EPB41: variants seen among roughly 807,000 people sequenced by gnomAD.
The protein encoded by EPB41 is protein 4.1.
A neutral mutation model predicts 108.0 loss-of-function variants in EPB41; 65 were observed. The ratio of observed to expected loss-of-function variants is 0.60; its 90% CI spans 0.49 to 0.74. The LOEUF (loss-of-function observed/expected upper bound fraction) is 0.74. Among genes scored for constraint, EPB41 ranks in the 30% least tolerant of loss-of-function variants. The probability of loss-of-function intolerance (pLI) is 0.00; values close to 1 mark genes in which losing one functional copy is unlikely to be tolerated. For synonymous variants in EPB41, 336 were observed against 358.9 expected, an observed-to-expected ratio of 0.94 and a Z score of 0.72; for missense variants, 875 against 1,037.0, an observed-to-expected ratio of 0.84 and a Z score of 2.15.
At chr1:29,014,927 C>T (rs2096558653) in intron 5 of EPB41, among the ~76,000 whole-genome samples, 1 of 152,148 alleles carries the variant, frequency 6.6e-6, no homozygotes, top group Non-Finnish European at 1.5e-5. Flanking sequence ...GGGAGTATCG[C>T]ATGAGCCCAG....
intron 4 of EPB41, among the ~76,000 whole-genome samples, chr1:29,003,812 G>C (rs2096349990): frequency 6.6e-6 from 1 of 152,132 alleles, no homozygotes; most frequent in South Asian, 2.1e-4. Context: ...TTTCAGGCTG[G>C]AGTGCAGTGG....
At position 29,064,895 on chromosome 1, in the gene EPB41, C is replaced by T. The variant is rs890308008; in HGVS notation, c.2008-87C>T. 8 of 1,544,098 alleles carry T rather than the reference C, an allele frequency of 5.2e-6. No homozygotes were observed. The African/African-American group carries it at 1.1e-4, about 21-fold the overall frequency. On this transcript the variant is annotated intron_variant, in intron 15 of 20. Transcript: ENST00000343067. The stretch of plus-strand genomic sequence containing the variant: ...GTCCTGGATGTGGTATGTTTTCTAC[C>T]AGTGCCCAGTCTCTGACGGGTTGCC...
intron 1 of EPB41, among the ~76,000 whole-genome samples, chr1:28,929,230 A>G (rs571938591): frequency 7.1e-6 from 1 of 141,400 alleles, no homozygotes; most frequent in Non-Finnish European, 1.6e-5. Flanking sequence ...AATTTTTACT[A>G]TTTTTTTTTT....
intron 2 of EPB41, among the ~76,000 whole-genome samples, chr1:28,992,521 T>C (rs2096051259): frequency 6.6e-6 from 1 of 152,116 alleles, no homozygotes; most frequent in Non-Finnish European, 1.5e-5. Flanking sequence ...ACCCCATCTC[T>C]ACTAAAAGTA....
intron 1 of EPB41, among the ~76,000 whole-genome samples, chr1:28,922,536 A>C (rs575013253): frequency 2.6e-5 from 4 of 151,748 alleles, no homozygotes; most frequent in Non-Finnish European, 5.9e-5. Flanking sequence ...GGGCACAAGC[A>C]GTCCTCCCAC....
At chr1:29,010,360 T>A (rs374578297) in intron 4 of EPB41, among the ~76,000 whole-genome samples, 9 of 152,102 alleles carry the variant, frequency 5.9e-5, no homozygotes, top group African/African-American at 2.2e-4. Flanking sequence ...AAAATGCCAC[T>A]GAAATTCAAT....
intron 1 of EPB41, among the ~76,000 whole-genome samples, chr1:28,971,211 T>C (rs1309704734): frequency 1.3e-4 from 16 of 118,738 alleles, no homozygotes; most frequent in Non-Finnish European, 2.6e-4. Context: ...TTTGGGACAG[T>C]GTCCCTCTGT....
intron 16 of EPB41, among the ~76,000 whole-genome samples, chr1:29,066,946 A>T (rs1242607828): frequency 1.3e-5 from 2 of 151,224 alleles, no homozygotes; most frequent in African/African-American, 4.9e-5. Flanking sequence ...AAGTGCTGAG[A>T]TTACAGGCAT....
At chr1:28,955,564 T>C (rs1021501017) in intron 1 of EPB41, among the ~76,000 whole-genome samples, 13 of 152,102 alleles carry the variant, frequency 8.5e-5, no homozygotes, top group African/African-American at 3.1e-4. Flanking sequence ...AGGATGGTCT[T>C]GATCTCTTGA....
At chr1:28,915,705 TC>T in intron 1 of EPB41, among the ~76,000 whole-genome samples, 1 of 151,286 alleles carries the variant, frequency 6.6e-6, no homozygotes, top group Admixed American at 6.6e-5. Flanking sequence ...GATAGTTTTT[TC>T]TTTTTCCTTT....
chr1:28,893,150 C>T (rs911857358), intron 1 of EPB41, among the ~76,000 whole-genome samples: 1 of 151,948 alleles, frequency 6.6e-6, no homozygotes, highest in African/African-American at 2.4e-5. Context: ...GGGGTGATCA[C>T]GGCTCACTTC....
intron 1 of EPB41, among the ~76,000 whole-genome samples, chr1:28,930,150 C>CTTT (rs772932485): frequency 6.5e-5 from 8 of 122,642 alleles, no homozygotes; most frequent in African/African-American, 1.2e-4. Flanking sequence ...ATGTTGCTTC[C>CTTT]TTTTTTTTTT....
chr1:28,968,112 A>G (rs1452945194), intron 1 of EPB41, among the ~76,000 whole-genome samples: 3 of 152,046 alleles, frequency 2.0e-5, no homozygotes, highest in African/African-American at 7.2e-5. Context: ...TAATCCCAGC[A>G]CTTTGGGAGG....
At chr1:28,947,580 A>G (rs956659085) in intron 1 of EPB41, among the ~76,000 whole-genome samples, 1 of 152,144 alleles carries the variant, frequency 6.6e-6, no homozygotes, top group South Asian at 2.1e-4. Context: ...TAACCCGAGC[A>G]CTTTAGGAGG....
intron 1 of EPB41, among the ~76,000 whole-genome samples, chr1:28,932,371 C>G (rs2093793425): frequency 6.8e-6 from 1 of 146,532 alleles, no homozygotes. Context: ...GATCCACTCT[C>G]CTTGGCCTCC....
intron 4 of EPB41, among the ~76,000 whole-genome samples, chr1:29,002,507 G>A (rs1214023671): frequency 6.6e-6 from 1 of 151,948 alleles, no homozygotes; most frequent in Non-Finnish European, 1.5e-5. Flanking sequence ...ATTAATCAAG[G>A]CCTTGGCTTT....
chr1:29,000,086 G>A (rs1403292259), intron 4 of EPB41, among the ~76,000 whole-genome samples: 1 of 151,838 alleles, frequency 6.6e-6, no homozygotes, highest in Non-Finnish European at 1.5e-5. Context: ...ACTATGCCTT[G>A]CCACTATTGT....
rs1339000159 is a variant in EPB41 at position 28,978,725 on chromosome 1, A to T, written c.-7-8706A>T. Among the ~76,000 whole-genome samples, 2 of 151,426 alleles carry T rather than the reference A, an allele frequency of 1.3e-5. 1 individual carries two copies. Among genetic ancestry groups the T allele is most frequent in the African/African-American group, 4.9e-5 (2 of 40,834 alleles). On this transcript the variant is annotated intron_variant, in intron 1 of 20. Coordinates refer to ENST00000343067, the MANE Select transcript of EPB41 (RefSeq NM_001376013.1). ...ATTGGCTGGGGGGCCCGGAAAGAAC[A>T]AATAGAGAAGACACGTGTCTCTGAC...
chr1:29,056,302 T>C (rs1410589492), intron 12 of EPB41, among the ~76,000 whole-genome samples: 1 of 152,036 alleles, frequency 6.6e-6, no homozygotes, highest in Non-Finnish European at 1.5e-5. Context: ...TGGCATTTAC[T>C]TGAAGCCATA....
Sources: allele counts gnomAD v4.1 joint callset (sites outside exome capture counted in the v4.1 genomes callset), GRCh38; gene constraint gnomAD v4.1.1; transcripts MANE v1.5; gene names NCBI Gene and HGNC (gene_info 2026-07-23, HGNC 2026-07-21).